DGKH: variants seen among roughly 807,000 people sequenced by gnomAD.
The protein encoded by DGKH is diacylglycerol kinase eta.
Under a neutral mutation model 159.3 loss-of-function variants are expected in DGKH, and 90 were observed. That is an observed-to-expected ratio of 0.57 (90% confidence interval 0.48 to 0.67). The LOEUF (loss-of-function observed/expected upper bound fraction) is 0.67, where lower values mean the gene tolerates loss of function less well. Ranked by LOEUF, DGKH falls within the 30% of genes least tolerant of loss-of-function variation. The pLI, the probability that DGKH is intolerant of heterozygous loss-of-function variation, is 0.00. For missense variants in DGKH, 1,181 were observed against 1,506.1 expected (o/e 0.78, Z 3.57); for synonymous variants, 536 against 553.8 (o/e 0.97, Z 0.45).
intron 13 of DGKH, chr13:42,181,613 A>G (rs1956764870): frequency 3.3e-6 from 1 of 305,986 alleles, no homozygotes; most frequent in Admixed American, 3.3e-5. Flanking sequence ...AGTCTCCCAG[A>G]GGCTCCTGGT....
At chr13:42,187,660 G>A (rs984471682) in intron 14 of DGKH, among the ~76,000 whole-genome samples, 10 of 152,176 alleles carry the variant, frequency 6.6e-5, no homozygotes, top group Admixed American at 2.0e-4. Flanking sequence ...ACAAGTGTGA[G>A]CCACCACACC....
chr13:42,079,715 G>A (rs1321969139), intron 1 of DGKH, among the ~76,000 whole-genome samples: 1 of 152,072 alleles, frequency 6.6e-6, no homozygotes, highest in Non-Finnish European at 1.5e-5. Context: ...TCGACCTTTT[G>A]TTTTGTAACC....
chr13:42,165,385 A>G lies in DGKH; in HGVS notation c.910A>G (p.Lys304Glu). 1.3e-6 allele frequency: 2 copies of G among 1,594,890 alleles called. No homozygotes were observed. The highest frequency in any genetic ancestry group is 2.3e-5 in the East Asian group (1 of 43,532). The change falls in exon 8 of 30, where the codon AAA becomes GAA. Residue 304 changes from lysine (K) to glutamate (E), a missense_variant. Physicochemically the swap from Lys to Glu is moderately conservative, Grantham distance 56. Transcript: ENST00000337343. ...YHPICPLGQC[K>E]VSIIPPIALN... The stretch of plus-strand genomic sequence containing the variant: ...TCCAATATGTCCACTTGGTCAATGT[A>G]AAGTATCTATCATACCTCCAATTGC...
intron 3 of DGKH, among the ~76,000 whole-genome samples, chr13:42,134,009 C>G (rs759553975): frequency 6.6e-6 from 1 of 152,134 alleles, no homozygotes; most frequent in Non-Finnish European, 1.5e-5. Context: ...TGGCCAAATT[C>G]GACTTCATTT....
At chr13:42,254,889 T>C (rs1048949945) in intron 30 of DGKH, among the ~76,000 whole-genome samples, 3 of 151,946 alleles carry the variant, frequency 2.0e-5, no homozygotes, top group African/African-American at 7.3e-5. Flanking sequence ...TATGCATTTC[T>C]TTTTTTAAAA....
chr13:42,112,105 G>A (rs1954873180), intron 1 of DGKH, among the ~76,000 whole-genome samples: 2 of 152,150 alleles, frequency 1.3e-5, no homozygotes, highest in Admixed American at 1.3e-4. Flanking sequence ...GAACATGTGT[G>A]TGTTTTATAT....
At chr13:42,099,189 G>A (rs1410082190) in intron 1 of DGKH, among the ~76,000 whole-genome samples, 1 of 152,128 alleles carries the variant, frequency 6.6e-6, no homozygotes, top group Non-Finnish European at 1.5e-5. Flanking sequence ...CTTTCCGGCT[G>A]ATTTCATCCT....
In DGKH at chr13:42,094,414, A is replaced by G. The variant is rs1954481819; in HGVS notation, c.193-33049A>G. ...CATCTTTAAATATACATTTTTTTCA[A>G]TCATAAATTAGAGTTGGGCTTGGGG... On this transcript the variant is annotated intron_variant, in intron 1 of 29. Coordinates refer to ENST00000337343, the MANE Select transcript of DGKH (RefSeq NM_178009.5). Among the ~76,000 whole-genome samples, 5 of 152,154 alleles carry G rather than the reference A, an allele frequency of 3.3e-5. No individual in the cohort carries two copies. The South Asian group carries it at 8.3e-4, about 25-fold the overall frequency.
chr13:42,224,522 G>A (rs958101056), intron 29 of DGKH, among the ~76,000 whole-genome samples: 5 of 152,212 alleles, frequency 3.3e-5, no homozygotes, highest in Admixed American at 6.5e-5. Context: ...CATTATCCAC[G>A]TTGCAACCAG....
In DGKH at chr13:42,229,491, G is replaced by T. The variant is rs907936995; in HGVS notation, c.*303G>T. ...ATTGCATTGTCTAAACAGTGGAATT[G>T]CAAAATGTTTACTTTCCATAGATCT... On this transcript the variant is annotated 3_prime_UTR_variant, in exon 30 of 30. Transcript: ENST00000337343. 7 of 249,320 alleles carry T rather than the reference G, an allele frequency of 2.8e-5. No individual in the cohort carries two copies. Among genetic ancestry groups the T allele is most frequent in the Non-Finnish European group, 4.5e-5 (6 of 131,998 alleles). 15.4% of individuals were successfully genotyped at this position (249,320 alleles called of 1,614,324 possible).
intron 7 of DGKH, among the ~76,000 whole-genome samples, chr13:42,163,878 T>A (rs1956252254): frequency 6.6e-6 from 1 of 152,208 alleles, no homozygotes; most frequent in African/African-American, 2.4e-5. Context: ...TAGATCCCAT[T>A]TGTCAATTTT....
chr13:42,256,361 A>C (rs1362221988), exon 31 of DGKH: 7 of 1,587,184 alleles, frequency 4.4e-6, no homozygotes, highest in Non-Finnish European at 6.1e-6. Context: ...TGAGTCTCAA[A>C]TGTTGGTGAC....
rs181456438 is a variant in DGKH, at chr13:42,164,417, T to A, written c.856-914T>A. Among the ~76,000 whole-genome samples, 18 of 152,338 alleles carry A rather than the reference T, an allele frequency of 1.2e-4. No individual in the cohort carries two copies. In the East Asian group the frequency reaches 2.1e-3, roughly 18 times the overall value. ...ATTATTGTAAAGCATAATAGAAAAC[T>A]GTCTAAAAACAGGTCTTCACCAGAA... On this transcript the variant is annotated intron_variant, in intron 7 of 29. Coordinates refer to ENST00000337343, the MANE Select transcript of DGKH (RefSeq NM_178009.5).
chr13:42,102,660 G>A (rs1418883587), intron 1 of DGKH, among the ~76,000 whole-genome samples: 1 of 152,242 alleles, frequency 6.6e-6, no homozygotes. Flanking sequence ...GCCTGGAATA[G>A]CCCAGATGGG....
At chr13:42,159,142 A>T (rs1359799962) in intron 5 of DGKH, 124 bp from the exon 6 acceptor site, 1 of 567,468 alleles carries the variant, frequency 1.8e-6, no homozygotes, top group Non-Finnish European at 3.0e-6. Flanking sequence ...TCTTTTAAAT[A>T]TATTTGTTTT....
intron 1 of DGKH, among the ~76,000 whole-genome samples, chr13:42,050,774 T>C (rs1255573381): frequency 6.6e-6 from 1 of 152,150 alleles, no homozygotes; most frequent in East Asian, 1.9e-4. Context: ...TGAGGATCAC[T>C]TGAGCCCAGG....
chr13:42,057,366 T>C (rs1034474516), intron 1 of DGKH, among the ~76,000 whole-genome samples: 2 of 152,208 alleles, frequency 1.3e-5, no homozygotes, highest in Non-Finnish European at 2.9e-5. Context: ...CACTATTTTA[T>C]GTAGGTAAGA....
chr13:42,226,251 A>G (rs1395101614), intron 29 of DGKH, among the ~76,000 whole-genome samples: 4 of 152,220 alleles, frequency 2.6e-5, no homozygotes, highest in Non-Finnish European at 5.9e-5. Context: ...ATGAGATACT[A>G]TCTCACACTA....
chr13:42,044,640 G>A (rs543375922), upstream of DGKH, among the ~76,000 whole-genome samples: 55 of 152,266 alleles, frequency 3.6e-4, no homozygotes, highest in African/African-American at 1.2e-3. Context: ...TGAACTTTAC[G>A]ACACGATTGG....
Sources: gnomAD v4.1 joint callset for allele counts (sites outside exome capture counted in the v4.1 genomes callset) on GRCh38, gnomAD v4.1.1 for gene constraint, MANE v1.5 for transcripts, NCBI Gene and HGNC (gene_info 2026-07-23, HGNC 2026-07-21) for gene names.